The following PDE1A variants were observed in gnomAD, a reference collection of about 807,000 sequenced individuals.
The protein encoded by PDE1A is phosphodiesterase 1A.
Under a neutral mutation model 61.7 loss-of-function variants are expected in PDE1A, and 35 were observed. The ratio of observed to expected loss-of-function variants is 0.57; its 90% confidence interval spans 0.43 to 0.75. The LOEUF is 0.75. Among genes scored for constraint, PDE1A ranks in the 30% least tolerant of loss-of-function variants. The pLI, the probability that PDE1A is intolerant of heterozygous loss-of-function variation, is 0.00. For synonymous variants in PDE1A, 232 were observed against 213.2 expected (o/e 1.09, Z -0.77); for missense variants, 597 against 630.6 (o/e 0.95, Z 0.57).
chr2:182,200,234 G>A (rs1010560675), intron 10 of PDE1A, among the ~76,000 whole-genome samples: 1 of 152,184 alleles, frequency 6.6e-6, no homozygotes, highest in African/African-American at 2.4e-5. Flanking sequence ...ATGAGTGATA[G>A]GAGACTCTAG....
intron 2 of PDE1A, among the ~76,000 whole-genome samples, chr2:182,493,872 T>A (rs1371515238): frequency 6.6e-6 from 1 of 152,192 alleles, no homozygotes; most frequent in Non-Finnish European, 1.5e-5. Context: ...ACTCCTGGCC[T>A]CAAGTGATCC....
At position 182,214,289 on chromosome 2, in the gene PDE1A, A is replaced by G. The variant is rs1201080694; in HGVS notation, c.777-8224T>C. Among the ~76,000 whole-genome samples, 18 of 151,912 alleles carry G rather than the reference A, an allele frequency of 1.2e-4. 1 individual carries two copies. The highest frequency in any genetic ancestry group is 2.4e-4 in the African/African-American group (10 of 41,222). ...GCACTAAACATGGAAAGGAACAACC[A>G]GTACCAGCCACTGCAAAATCATGCC... On this transcript the variant is annotated intron_variant, in intron 7 of 13. Transcript: ENST00000351439.
chr2:182,278,941 A>G (rs1693623302), intron 1 of PDE1A, among the ~76,000 whole-genome samples: 1 of 151,576 alleles, frequency 6.6e-6, no homozygotes, highest in Non-Finnish European at 1.5e-5. Context: ...AAAAGCTTAA[A>G]GTTTAAATTC....
At chr2:182,362,738 ATTG>A (rs1699581278) in intron 1 of PDE1A, among the ~76,000 whole-genome samples, 2 of 152,088 alleles carry the variant, frequency 1.3e-5, no homozygotes, top group Non-Finnish European at 2.9e-5. Context: ...AGGAATATAA[ATTG>A]TTGTATCATA....
At chr2:182,658,743 G>A in the PDE1A span, among the ~76,000 whole-genome samples, 2 of 152,306 alleles carry the variant, frequency 1.3e-5, no homozygotes, top group African/African-American at 4.8e-5. Flanking sequence ...TACACAAATA[G>A]TATAAGTTCT....
At chr2:182,623,239 C>T in the PDE1A span, among the ~76,000 whole-genome samples, 1 of 152,128 alleles carries the variant, frequency 6.6e-6, no homozygotes, top group Non-Finnish European at 1.5e-5. Flanking sequence ...GAGGTGACAG[C>T]ACAATTACCA....
the PDE1A span, among the ~76,000 whole-genome samples, chr2:182,713,374 T>C: frequency 6.6e-6 from 1 of 152,150 alleles, no homozygotes; most frequent in Non-Finnish European, 1.5e-5. Context: ...AATTAATAAA[T>C]TAAATGTGCA....
the PDE1A span, among the ~76,000 whole-genome samples, chr2:182,577,990 A>AAGGAAGGAAGGAAGGAAGGAAGGAAGGG: frequency 8.0e-5 from 11 of 137,612 alleles, no homozygotes; most frequent in African/African-American, 2.9e-4. Context: ...GGAAGGAAGG[A>AAGGAAGGAAGGAAGGAAGGAAGGAAGGG]AGGGACGGAG....
chr2:182,441,540 A>G (rs1044954880), intron 2 of PDE1A, among the ~76,000 whole-genome samples: 1 of 151,950 alleles, frequency 6.6e-6, no homozygotes, highest in African/African-American at 2.4e-5. Flanking sequence ...AATATATACA[A>G]CCCTAGCTAT....
intron 2 of PDE1A, among the ~76,000 whole-genome samples, chr2:182,501,592 A>C (rs182599413): frequency 7.2e-5 from 11 of 152,320 alleles, no homozygotes; most frequent in Non-Finnish European, 1.2e-4. Flanking sequence ...TTCATTTCAC[A>C]AATTATATTT....
At chr2:182,533,071 G>A in the PDE1A span, among the ~76,000 whole-genome samples, 2 of 152,044 alleles carry the variant, frequency 1.3e-5, no homozygotes, top group African/African-American at 2.4e-5. Context: ...CAGCACTTTG[G>A]GAGGCCAAAG....
At chr2:182,194,087 A>G (rs937608858) in intron 10 of PDE1A, among the ~76,000 whole-genome samples, 1 of 152,142 alleles carries the variant, frequency 6.6e-6, no homozygotes, top group Admixed American at 6.6e-5. Context: ...AATAACTTGC[A>G]TTTCTAATTA....
In PDE1A at chr2:182,484,978, G is replaced by A. The variant is rs185534334; in HGVS notation, c.101+37298C>T. 2.0e-5 allele frequency among the ~76,000 whole-genome samples: 3 copies of A among 152,024 alleles called. No individual in the cohort carries two copies. The East Asian group carries it at 5.8e-4, about 29-fold the overall frequency. ...GTGGCGATCCCTCCAAGAACTAAAA[G>A]CAGGCTTACCATTCAACCCAGCAAT... On this transcript the variant is annotated intron_variant, in intron 2 of 14. Coordinates refer to the PDE1A transcript ENST00000410103.
At chr2:182,256,540 C>T (rs971362213) in intron 2 of PDE1A, among the ~76,000 whole-genome samples, 3 of 151,984 alleles carry the variant, frequency 2.0e-5, no homozygotes, top group African/African-American at 7.3e-5. Flanking sequence ...ATAAATCATG[C>T]TGCTATAAAG....
intron 1 of PDE1A, among the ~76,000 whole-genome samples, chr2:182,352,187 G>A (rs1698920355): frequency 6.6e-6 from 1 of 152,200 alleles, no homozygotes; most frequent in African/African-American, 2.4e-5. Context: ...GGGACAAAGA[G>A]CAGGCTTGCC....
intron 2 of PDE1A, among the ~76,000 whole-genome samples, chr2:182,468,449 G>A (rs761622482): frequency 1.3e-5 from 2 of 151,932 alleles, no homozygotes; most frequent in Non-Finnish European, 2.9e-5. Flanking sequence ...CAAGATTGAA[G>A]TAATTTGGCC....
At chr2:182,509,907 T>G (rs1390649405) in intron 2 of PDE1A, among the ~76,000 whole-genome samples, 3 of 152,210 alleles carry the variant, frequency 2.0e-5, no homozygotes, top group African/African-American at 4.8e-5. Context: ...TTTATTTTCT[T>G]TTAAATTTAT....
chr2:182,592,907 C>G, the PDE1A span, among the ~76,000 whole-genome samples: 2 of 152,108 alleles, frequency 1.3e-5, no homozygotes, highest in Admixed American at 1.3e-4. Context: ...AGTTAGGAAC[C>G]GAAAGCATAA....
At chr2:182,707,711 G>A in the PDE1A span, among the ~76,000 whole-genome samples, 1 of 152,116 alleles carries the variant, frequency 6.6e-6, no homozygotes, top group African/African-American at 2.4e-5. Context: ...AAATACTTAA[G>A]GGAAAAATAA....
Sources: allele counts gnomAD v4.1 joint callset (sites outside exome capture counted in the v4.1 genomes callset), GRCh38; gene constraint gnomAD v4.1.1; transcripts MANE v1.5; gene names NCBI Gene and HGNC (gene_info 2026-07-23, HGNC 2026-07-21).